The following PTPRD variants were observed in gnomAD, a reference collection of about 807,000 sequenced individuals.
PTPRD encodes receptor-type tyrosine-protein phosphatase delta.
PTPRD carries 34 observed loss-of-function variants against 214.5 expected under a neutral mutation model. The observed-to-expected ratio is 0.16, with a 90% CI of 0.12 to 0.21. The LOEUF is 0.21. Ranked by LOEUF, PTPRD falls within the 10% of genes least tolerant of loss-of-function variation. PTPRD has a pLI of 1.00. For synonymous variants in PTPRD, 1,128 were observed against 845.7 expected (o/e 1.33, Z -5.79); for missense variants, 2,545 against 2,398.7 (o/e 1.06, Z -1.27).
At chr9:10,233,846 C>A (rs1446248476) in intron 3 of PTPRD, among the ~76,000 whole-genome samples, 1 of 151,804 alleles carries the variant, frequency 6.6e-6, no homozygotes, top group Non-Finnish European at 1.5e-5. Context: ...TATATCATAG[C>A]AAAAATGAGT....
At chr9:8,585,476 A>G (rs940483377) in intron 14 of PTPRD, among the ~76,000 whole-genome samples, 8 of 152,174 alleles carry the variant, frequency 5.3e-5, no homozygotes, top group African/African-American at 1.7e-4. Context: ...ATGAATGCCT[A>G]AGCATGAAGA....
At chr9:9,246,196 G>T (rs1017031539) in intron 9 of PTPRD, among the ~76,000 whole-genome samples, 2 of 152,036 alleles carry the variant, frequency 1.3e-5, no homozygotes, top group African/African-American at 4.8e-5. Flanking sequence ...TTGCAGGTTT[G>T]TTGTCCACCT....
chr9:10,435,803 G>A (rs1250508084), intron 2 of PTPRD, among the ~76,000 whole-genome samples: 1 of 151,800 alleles, frequency 6.6e-6, no homozygotes, highest in Admixed American at 6.6e-5. Context: ...GGAAGAAAAG[G>A]ATGAGTTATA....
At chr9:9,563,021 A>G (rs986996545) in intron 8 of PTPRD, among the ~76,000 whole-genome samples, 6 of 152,192 alleles carry the variant, frequency 3.9e-5, no homozygotes, top group African/African-American at 1.4e-4. Context: ...GACTATTAGA[A>G]CATTTTTAAT....
intron 11 of PTPRD, among the ~76,000 whole-genome samples, chr9:8,782,397 A>G (rs1432018629): frequency 6.6e-6 from 1 of 152,126 alleles, no homozygotes; most frequent in Non-Finnish European, 1.5e-5. Flanking sequence ...TTTACAATAC[A>G]TTGTTATTAA....
intron 7 of PTPRD, among the ~76,000 whole-genome samples, chr9:9,640,856 AAC>A (rs1231798099): frequency 6.6e-6 from 1 of 152,234 alleles, no homozygotes; most frequent in East Asian, 1.9e-4. Flanking sequence ...CATTGTAAAT[AAC>A]GGATACTTAA....
At chr9:8,424,118 T>G (rs2094520049) in intron 35 of PTPRD, among the ~76,000 whole-genome samples, 1 of 152,144 alleles carries the variant, frequency 6.6e-6, no homozygotes. Flanking sequence ...TTGTTGTTGT[T>G]GATAGACTGT....
At chr9:10,049,195 G>T (rs1028990115) in intron 3 of PTPRD, among the ~76,000 whole-genome samples, 7 of 152,082 alleles carry the variant, frequency 4.6e-5, no homozygotes, top group Non-Finnish European at 1.0e-4. Context: ...GAGGCATGGA[G>T]TGTTCAGGCT....
intron 5 of PTPRD, among the ~76,000 whole-genome samples, chr9:9,806,821 T>G (rs936688772): frequency 6.6e-6 from 1 of 152,084 alleles, no homozygotes; most frequent in Non-Finnish European, 1.5e-5. Flanking sequence ...GTATCTGACC[T>G]ACCTCTAGGA....
intron 9 of PTPRD, among the ~76,000 whole-genome samples, chr9:9,241,056 G>C (rs1261941983): frequency 6.6e-6 from 1 of 152,080 alleles, no homozygotes; most frequent in African/African-American, 2.4e-5. Context: ...TCTAATAAAT[G>C]AACTGAGTGA....
In PTPRD at chr9:8,720,390, T is replaced by TAC. The variant is rs2098479789; in HGVS notation, c.64+13389_64+13390insGT. The stretch of plus-strand genomic sequence containing the variant: ...GTGTACTACCACTTCTGCACCCTCC[T>TAC]ATTACTGATCAAAGCCAGTCAGGGG... On this transcript the variant is annotated intron_variant, in intron 12 of 45. Transcript: ENST00000381196. 2.0e-5 allele frequency among the ~76,000 whole-genome samples: 3 copies of TAC among 152,290 alleles called. No homozygotes were observed. The South Asian group carries it at 6.2e-4, about 32-fold the overall frequency.
chr9:10,083,718 G>C (rs1401662699), intron 3 of PTPRD, among the ~76,000 whole-genome samples: 1 of 151,866 alleles, frequency 6.6e-6, no homozygotes, highest in East Asian at 1.9e-4. Flanking sequence ...TTTTTTCTAT[G>C]GTAGGAGTCG....
rs535026076 is a variant in PTPRD at position 9,696,156 on chromosome 9, G to A, written c.-287+38377C>T. Among the ~76,000 whole-genome samples, 4 of 152,138 alleles carry A rather than the reference G, an allele frequency of 2.6e-5. No individual in the cohort carries two copies. The East Asian group carries it at 7.7e-4, about 29-fold the overall frequency. On this transcript the variant is annotated intron_variant, in intron 7 of 45. Coordinates refer to ENST00000381196, the MANE Select transcript of PTPRD (RefSeq NM_002839.4). ...GTGCCCATGAATATATTCCATTATG[G>A]TCATAAAAGGTACTTGATCTAATTT...
At chr9:9,441,663 C>T (rs907351465) in intron 8 of PTPRD, among the ~76,000 whole-genome samples, 3 of 152,008 alleles carry the variant, frequency 2.0e-5, no homozygotes, top group Admixed American at 1.3e-4. Context: ...AATTCTGAAT[C>T]AATGAGGCCA....
intron 5 of PTPRD, among the ~76,000 whole-genome samples, chr9:9,840,802 G>GA (rs2058135378): frequency 8.6e-6 from 1 of 115,912 alleles, no homozygotes; most frequent in Non-Finnish European, 1.8e-5. Flanking sequence ...AAAAAAAACA[G>GA]AAAGGGGAAG....
chr9:9,635,166 T>A (rs901342875), intron 7 of PTPRD, among the ~76,000 whole-genome samples: 62 of 152,148 alleles, frequency 4.1e-4, no homozygotes, highest in African/African-American at 1.3e-3. Flanking sequence ...CTATAAAGCT[T>A]CTTTTTCTTT....
chr9:10,443,634 T>C (rs915003791), intron 2 of PTPRD, among the ~76,000 whole-genome samples: 2 of 151,618 alleles, frequency 1.3e-5, no homozygotes, highest in Non-Finnish European at 3.0e-5. Flanking sequence ...TTGCGTGGAA[T>C]GCAGATAGAC....
chr9:8,389,424 G>A lies in PTPRD; in HGVS notation c.4211-17C>T, dbSNP rs750702814. On this transcript the variant is annotated splice_polypyrimidine_tract_variant and intron_variant, in intron 36 of 45. Transcript: ENST00000381196. ...CTGGGATCCCTGGAAAACAAGGAGT[G>A]TTATTCAACCAGGTGAGCACATCAC... 4.4e-6 allele frequency: 7 copies of A among 1,598,172 alleles called. No homozygotes were observed. The African/African-American group carries it at 8.1e-5, about 18-fold the overall frequency.
chr9:9,951,167 A>C (rs2093420265), intron 4 of PTPRD, among the ~76,000 whole-genome samples: 1 of 152,160 alleles, frequency 6.6e-6, no homozygotes, highest in African/African-American at 2.4e-5. Flanking sequence ...TTCAGGGACA[A>C]TGGAACTATG....
Sources: gnomAD v4.1 joint callset for allele counts (sites outside exome capture counted in the v4.1 genomes callset) on GRCh38, gnomAD v4.1.1 for gene constraint, MANE v1.5 for transcripts, NCBI Gene and HGNC (gene_info 2026-07-23, HGNC 2026-07-21) for gene names.